SLC9A9: variants seen among roughly 807,000 people sequenced by gnomAD.
The protein encoded by SLC9A9 is solute carrier family 9 member A9, also known as sodium/hydrogen exchanger 9.
Under a neutral mutation model 77.8 loss-of-function variants are expected in SLC9A9, and 62 were observed. The observed-to-expected ratio is 0.80, with a 90% CI of 0.65 to 0.98. The LOEUF (loss-of-function observed/expected upper bound fraction) is 0.98, where lower values mean the gene tolerates loss of function less well. Among genes scored for constraint, SLC9A9 ranks in the 50% least tolerant of loss-of-function variants. The probability of loss-of-function intolerance (pLI) is 0.00; values close to 1 mark genes in which losing one functional copy is unlikely to be tolerated. For synonymous variants in SLC9A9, 320 were observed against 283.5 expected, an observed-to-expected ratio of 1.13 and a Z score of -1.29; for missense variants, 775 against 774.9, an observed-to-expected ratio of 1.00 and a Z score of 0.00.
At chr3:143,349,589 A>T (rs1470535595) in intron 14 of SLC9A9, among the ~76,000 whole-genome samples, 1 of 152,206 alleles carries the variant, frequency 6.6e-6, no homozygotes, top group Non-Finnish European at 1.5e-5. Flanking sequence ...CAGATTATGA[A>T]ATCAAGGTTC....
chr3:143,594,008 G>A (rs1559984466), intron 6 of SLC9A9, among the ~76,000 whole-genome samples: 1 of 152,156 alleles, frequency 6.6e-6, no homozygotes, highest in Non-Finnish European at 1.5e-5. Context: ...GTCTGTGTTG[G>A]TGGCAATGGA....
intron 9 of SLC9A9, among the ~76,000 whole-genome samples, chr3:143,496,876 GAAATCC>G (rs1212623890): frequency 6.6e-6 from 1 of 152,190 alleles, no homozygotes; most frequent in African/African-American, 2.4e-5. Flanking sequence ...TGGAGGCTGG[GAAATCC>G]AAAATCAAGG....
chr3:143,577,251 C>T (rs760385686), intron 7 of SLC9A9, among the ~76,000 whole-genome samples: 12 of 152,094 alleles, frequency 7.9e-5, no homozygotes, highest in Non-Finnish European at 1.6e-4. Context: ...CTCCTGAGTC[C>T]CCTCATCCTC....
chr3:143,531,624 T>C lies in SLC9A9; in HGVS notation c.1089+20738A>G, dbSNP rs189519034. ...GTATAATACAATATGTGGGTGTAAA[T>C]TAAGAGAAACATTAGGAAAAATAAG... On this transcript the variant is annotated intron_variant, in intron 9 of 15. Transcript: ENST00000316549. Among the ~76,000 whole-genome samples the C allele has an allele frequency of 7.4e-4, 113 of 152,322 alleles. 2 individuals carry two copies. The highest frequency in any genetic ancestry group is 3.2e-3 in the Admixed American group (49 of 15,304).
intron 14 of SLC9A9, among the ~76,000 whole-genome samples, chr3:143,304,872 C>A (rs1028172920): frequency 2.0e-5 from 3 of 152,204 alleles, no homozygotes; most frequent in Non-Finnish European, 2.9e-5. Flanking sequence ...ATGAGCACCA[C>A]CACCCTTAGG....
intron 12 of SLC9A9, among the ~76,000 whole-genome samples, chr3:143,404,582 G>A (rs956721135): frequency 6.6e-6 from 1 of 151,860 alleles, no homozygotes; most frequent in African/African-American, 2.4e-5. Flanking sequence ...CCCCTAGCCC[G>A]CCCCACACAT....
intron 4 of SLC9A9, among the ~76,000 whole-genome samples, chr3:143,723,865 C>G (rs1437787870): frequency 6.6e-6 from 1 of 152,154 alleles, no homozygotes; most frequent in Non-Finnish European, 1.5e-5. Context: ...CAACCAGAAT[C>G]TGCAGATTAA....
intron 4 of SLC9A9, among the ~76,000 whole-genome samples, chr3:143,756,590 A>G (rs979309431): frequency 3.3e-5 from 5 of 152,232 alleles, no homozygotes; most frequent in Non-Finnish European, 7.3e-5. Flanking sequence ...ACATCTGTGC[A>G]TAACTGAATC....
At chr3:143,552,053 A>G (rs1469002054) in intron 9 of SLC9A9, among the ~76,000 whole-genome samples, 1 of 152,192 alleles carries the variant, frequency 6.6e-6, no homozygotes, top group Non-Finnish European at 1.5e-5. Flanking sequence ...CACATGCCTT[A>G]TAATGCTTTT....
intron 14 of SLC9A9, among the ~76,000 whole-genome samples, chr3:143,358,122 G>A (rs779573007): frequency 6.7e-6 from 1 of 148,932 alleles, no homozygotes; most frequent in Non-Finnish European, 1.5e-5. Flanking sequence ...TGATATTTAT[G>A]TTTACATTTC....
intron 12 of SLC9A9, among the ~76,000 whole-genome samples, chr3:143,420,265 C>A (rs1294313074): frequency 1.0e-5 from 1 of 99,306 alleles, no homozygotes; most frequent in African/African-American, 3.7e-5. Context: ...TAATATCTTT[C>A]TTTAGGGACG....
chr3:143,843,218 AGGCTGGGCT>A (rs2009750552), intron 1 of SLC9A9, among the ~76,000 whole-genome samples: 1 of 152,156 alleles, frequency 6.6e-6, no homozygotes, highest in Non-Finnish European at 1.5e-5. Flanking sequence ...GCAGTCAGGG[AGGCTGGGCT>A]GTCCTGGAGG....
chr3:143,377,220 A>G (rs916890681), intron 13 of SLC9A9, among the ~76,000 whole-genome samples: 2 of 152,208 alleles, frequency 1.3e-5, no homozygotes, highest in Admixed American at 1.3e-4. Flanking sequence ...AGAACTATCA[A>G]TTGTGCAAAA....
chr3:143,420,063 AG>A (rs1380532339), intron 12 of SLC9A9, among the ~76,000 whole-genome samples: 1 of 152,224 alleles, frequency 6.6e-6, no homozygotes, highest in Non-Finnish European at 1.5e-5. Flanking sequence ...TAAACTGGAC[AG>A]GGTCATGTCC....
rs1578253427 is a variant in SLC9A9 at position 143,273,539 on chromosome 3, T to TC, written c.1605-4560dup. Among the ~76,000 whole-genome samples the TC allele has an allele frequency of 4.6e-5, 7 of 152,300 alleles. No individual in the cohort carries two copies. The South Asian group carries it at 1.4e-3, about 32-fold the overall frequency. ...CACCAAGACCTGACCACTCTATTCT[T>TC]CCAGCCTCCAAAACTGAGAAAATTT... On this transcript the variant is annotated intron_variant, in intron 14 of 15. Transcript: ENST00000316549.
intron 4 of SLC9A9, among the ~76,000 whole-genome samples, chr3:143,790,527 G>T (rs1284876564): frequency 1.3e-5 from 2 of 152,144 alleles, no homozygotes; most frequent in Non-Finnish European, 2.9e-5. Context: ...CCCATTTCAT[G>T]CAATACTGCA....
At chr3:143,541,288 A>T (rs563512259) in intron 9 of SLC9A9, among the ~76,000 whole-genome samples, 11 of 152,330 alleles carry the variant, frequency 7.2e-5, no homozygotes, top group African/African-American at 2.6e-4. Flanking sequence ...ACACCCAAGC[A>T]GCCCGATGGA....
intron 4 of SLC9A9, among the ~76,000 whole-genome samples, chr3:143,730,813 C>T (rs1355120297): frequency 6.6e-6 from 1 of 151,886 alleles, no homozygotes; most frequent in African/African-American, 2.4e-5. Context: ...AATATAAAGC[C>T]TTACACCCAC....
intron 6 of SLC9A9, chr3:143,627,497 C>T (rs919791527): frequency 4.1e-6 from 1 of 245,162 alleles, no homozygotes; most frequent in Non-Finnish European, 8.4e-6. Flanking sequence ...TTTTGGTGTG[C>T]AGCACAGACA....
Sources: gnomAD v4.1 joint callset for allele counts (sites outside exome capture counted in the v4.1 genomes callset) on GRCh38, gnomAD v4.1.1 for gene constraint, MANE v1.5 for transcripts, NCBI Gene and HGNC (gene_info 2026-07-23, HGNC 2026-07-21) for gene names.